The following SYNE1 variants were observed in gnomAD, a reference collection of about 807,000 sequenced individuals.
The protein encoded by SYNE1 is nesprin-1.
In SYNE1, 616 loss-of-function variants were observed where a neutral mutation model predicts 1,111.0. That is an observed-to-expected ratio of 0.55 (90% CI 0.52 to 0.59). The LOEUF (loss-of-function observed/expected upper bound fraction) is 0.59. Among genes scored for constraint, SYNE1 ranks in the 20% least tolerant of loss-of-function variants. SYNE1 has a pLI of 0.00. For missense variants in SYNE1, 10,006 were observed against 10,417.0 expected, an observed-to-expected ratio of 0.96 and a Z score of 1.72; for synonymous variants, 3,855 against 3,825.8, an observed-to-expected ratio of 1.01 and a Z score of -0.28.
At chr6:152,180,395 T>C in intron 128 of SYNE1, 101 bp from the exon 129 acceptor site, 5 of 1,151,420 alleles carry the variant, frequency 4.3e-6, no homozygotes, top group Non-Finnish European at 6.4e-6. Context: ...TGAATGATAG[T>C]CATACATCTT....
At chr6:152,377,385 G>A (rs2097300020) in intron 56 of SYNE1, among the ~76,000 whole-genome samples, 1 of 151,380 alleles carries the variant, frequency 6.6e-6, no homozygotes, top group Non-Finnish European at 1.5e-5. Flanking sequence ...CGAGGAGGGT[G>A]GATCACCTGA....
At chr6:152,401,605 G>T (rs978930814) in intron 46 of SYNE1, among the ~76,000 whole-genome samples, 2 of 152,234 alleles carry the variant, frequency 1.3e-5, no homozygotes, top group African/African-American at 4.8e-5. Context: ...TTCCAGGGAA[G>T]ATGTGAGAGG....
At chr6:152,489,724 C>T (rs1428991326) in intron 11 of SYNE1, among the ~76,000 whole-genome samples, 1 of 152,128 alleles carries the variant, frequency 6.6e-6, no homozygotes, top group Non-Finnish European at 1.5e-5. Context: ...TCAGGCACAA[C>T]CTACTCTAGG....
intron 104 of SYNE1, among the ~76,000 whole-genome samples, chr6:152,252,410 G>C (rs1365954632): frequency 2.0e-5 from 3 of 152,040 alleles, no homozygotes; most frequent in African/African-American, 7.2e-5. Flanking sequence ...TTATATGTTT[G>C]GGGAATTTGA....
chr6:152,267,957 CAGA>C, intron 100 of SYNE1, 96 bp downstream of exon 100: 1 of 1,056,964 alleles, frequency 9.5e-7, no homozygotes, highest in Non-Finnish European at 1.4e-6. Flanking sequence ...CTAAATTTTG[CAGA>C]AGATGTTTAA....
chr6:152,460,539 T>C lies in SYNE1; in HGVS notation c.2394+1058A>G, dbSNP rs568366876. The stretch of plus-strand genomic sequence containing the variant: ...AGGGTCTTCTACTTTGTTTCTACTT[T>C]GTTTTCCCATTCTTCATTTTAAAAT... On this transcript the variant is annotated intron_variant, in intron 21 of 145. Coordinates refer to ENST00000367255, the MANE Select transcript of SYNE1 (RefSeq NM_182961.4). Among the ~76,000 whole-genome samples, 3 of 152,298 alleles carry C rather than the reference T, an allele frequency of 2.0e-5. No individual in the cohort carries two copies. In the East Asian group the frequency reaches 5.8e-4, roughly 29 times the overall value.
chr6:152,446,611 C>T (rs2098594869), intron 29 of SYNE1, among the ~76,000 whole-genome samples: 1 of 152,046 alleles, frequency 6.6e-6, no homozygotes, highest in Non-Finnish European at 1.5e-5. Flanking sequence ...TTCTTGTAAT[C>T]CATTAGGCCA....
chr6:152,276,383 C>T (rs2093628581), intron 98 of SYNE1, among the ~76,000 whole-genome samples: 1 of 152,056 alleles, frequency 6.6e-6, no homozygotes, highest in East Asian at 1.9e-4. Context: ...TTATGCTTTT[C>T]AATGACCTAA....
Position 152,387,214 on chromosome 6 carries a change from T to C in SYNE1, c.8345A>G (p.Glu2782Gly). The change falls in exon 54 of 146, where the codon GAG becomes GGG. Residue 2782 changes from glutamate (E) to glycine (G), a missense_variant. Transcript: ENST00000367255. ...AAGGGCTCTCGTGTGATCTTCTGCC[T>C]CAGACAGGATGGACTGGAGGTGGTC... ...LLDHLQSILS[E>G]AEDHTRALHR... 1 of 1,614,166 alleles carries C rather than the reference T, an allele frequency of 6.2e-7. No homozygotes were observed. The highest frequency in any genetic ancestry group is 1.7e-4 in the Middle Eastern group (1 of 6,060).
intron 3 of SYNE1, among the ~76,000 whole-genome samples, chr6:152,597,193 T>C (rs1469795342): frequency 1.3e-5 from 2 of 152,248 alleles, no homozygotes; most frequent in African/African-American, 4.8e-5. Context: ...ATTGAGCATA[T>C]GGAGAGAAAT....
chr6:152,540,447 T>C (rs911976584), intron 3 of SYNE1, among the ~76,000 whole-genome samples: 1 of 152,156 alleles, frequency 6.6e-6, no homozygotes, highest in Non-Finnish European at 1.5e-5. Flanking sequence ...GGGCTATGAA[T>C]AGTAAAGGGT....
At chr6:152,573,662 C>T (rs1356845807) in intron 3 of SYNE1, among the ~76,000 whole-genome samples, 2 of 152,104 alleles carry the variant, frequency 1.3e-5, no homozygotes, top group African/African-American at 4.8e-5. Flanking sequence ...AATATTGGGA[C>T]TCTCATAAAT....
chr6:152,529,392 C>T (rs191212698), intron 4 of SYNE1, among the ~76,000 whole-genome samples: 1 of 152,256 alleles, frequency 6.6e-6, no homozygotes, highest in East Asian at 1.9e-4. Flanking sequence ...CCATCATATT[C>T]TCTGCTTGGG....
chr6:152,178,263 A>G (rs2066979075), intron 129 of SYNE1, among the ~76,000 whole-genome samples: 1 of 152,190 alleles, frequency 6.6e-6, no homozygotes, highest in African/African-American at 2.4e-5. Flanking sequence ...CAATGAGAAT[A>G]GAGACAAACT....
intron 60 of SYNE1, 27 bp from the exon 61 acceptor site, chr6:152,369,154 C>A: frequency 1.2e-6 from 2 of 1,610,204 alleles, no homozygotes; most frequent in South Asian, 2.2e-5. Flanking sequence ...AGTTACTATT[C>A]AGAGGCTGGG....
At chr6:152,218,040 CA>C (rs1338527750) in intron 121 of SYNE1, among the ~76,000 whole-genome samples, 1 of 151,838 alleles carries the variant, frequency 6.6e-6, no homozygotes, top group Non-Finnish European at 1.5e-5. Context: ...ACTAAAAATA[CA>C]AAAACTAGCC....
intron 21 of SYNE1, among the ~76,000 whole-genome samples, chr6:152,460,264 A>G (rs1212064949): frequency 1.3e-5 from 2 of 152,220 alleles, no homozygotes; most frequent in African/African-American, 4.8e-5. Flanking sequence ...AGCAGCTTTT[A>G]CTAGTAGCCA....
chr6:152,612,890 C>T (rs2099635706), intron 3 of SYNE1, among the ~76,000 whole-genome samples: 1 of 152,124 alleles, frequency 6.6e-6, no homozygotes, highest in Admixed American at 6.5e-5. Flanking sequence ...GAACCAATGA[C>T]AAAAACCACA....
At position 152,155,846 on chromosome 6, in the gene SYNE1, T is replaced by C. The variant is rs111911595; in HGVS notation, c.23978+64A>G. The C allele has an allele frequency of 1.0e-3, 1,604 of 1,592,994 alleles. 10 individuals carry two copies. The African/African-American group carries it at 0.02, about 20-fold the overall frequency. On this transcript the variant is annotated intron_variant, in intron 132 of 145. Transcript: ENST00000367255. ...AGGAAAGAGTGAACAGTGGATACTC[T>C]GGGTGATTTTTATTTTCTTTTTGGT...
Sources: allele counts gnomAD v4.1 joint callset (sites outside exome capture counted in the v4.1 genomes callset), GRCh38; gene constraint gnomAD v4.1.1; transcripts MANE v1.5; gene names NCBI Gene and HGNC (gene_info 2026-07-23, HGNC 2026-07-21).